The following NDUFS1 variants were observed in gnomAD, a reference collection of about 807,000 sequenced individuals.
The protein encoded by NDUFS1 is NADH:ubiquinone oxidoreductase core subunit S1, also known as NADH-ubiquinone oxidoreductase 75 kDa subunit, mitochondrial.
A neutral mutation model predicts 84.4 loss-of-function variants in NDUFS1; 61 were observed. That is an observed-to-expected ratio of 0.72 (90% CI 0.59 to 0.89). The LOEUF is 0.89. Among genes scored for constraint, NDUFS1 ranks in the 40% least tolerant of loss-of-function variants. The pLI is 0.00. For synonymous variants in NDUFS1, 275 were observed against 290.0 expected (o/e 0.95, Z 0.53); for missense variants, 891 against 890.0 (o/e 1.00, Z -0.01).
intron 8 of NDUFS1, among the ~76,000 whole-genome samples, chr2:206,145,917 T>C (rs918024110): frequency 1.3e-5 from 2 of 152,160 alleles, no homozygotes; most frequent in East Asian, 3.9e-4. Flanking sequence ...AAGTTTGTAG[T>C]GGTAATTGCG....
chr2:206,127,679 T>C, intron 16 of NDUFS1, 118 bp downstream of exon 16: 1 of 1,096,422 alleles, frequency 9.1e-7, no homozygotes, highest in South Asian at 1.4e-5. Flanking sequence ...TAGAAATTAT[T>C]CAAATCATCT....
At chr2:206,147,133 T>C (rs575940613) in intron 7 of NDUFS1, 45 bp from the exon 8 acceptor site, 3 of 1,570,100 alleles carry the variant, frequency 1.9e-6, no homozygotes, top group Non-Finnish European at 2.6e-6. Context: ...TCCAGCAAAA[T>C]TATTTCCTTT....
At chr2:206,140,681 G>T (rs1691904134) in intron 12 of NDUFS1, among the ~76,000 whole-genome samples, 1 of 151,706 alleles carries the variant, frequency 6.6e-6, no homozygotes, top group Admixed American at 6.6e-5. Context: ...GTTTCTCCAT[G>T]TTGGTCAGGC....
chr2:206,135,614 T>G (rs1313959301), intron 13 of NDUFS1, among the ~76,000 whole-genome samples: 2 of 150,998 alleles, frequency 1.3e-5, no homozygotes, highest in Non-Finnish European at 2.9e-5. Context: ...GAGGTTGCAG[T>G]GAGCCGAGAT....
chr2:206,124,740 G>A (rs1691220477), intron 18 of NDUFS1, among the ~76,000 whole-genome samples: 1 of 152,094 alleles, frequency 6.6e-6, no homozygotes. Flanking sequence ...TCGGGAGTCT[G>A]AGGCAGGAGA....
At chr2:206,143,118 G>A (rs2105968717) in intron 10 of NDUFS1, among the ~76,000 whole-genome samples, 1 of 152,278 alleles carries the variant, frequency 6.6e-6, no homozygotes, top group African/African-American at 2.4e-5. Context: ...TGGGCATGGT[G>A]GCATACGCCT....
intron 1 of NDUFS1, among the ~76,000 whole-genome samples, chr2:206,153,886 A>T (rs1692471770): frequency 6.6e-6 from 1 of 152,244 alleles, no homozygotes. Flanking sequence ...AAGCAGCAGC[A>T]GCTATTGTAT....
intron 12 of NDUFS1, among the ~76,000 whole-genome samples, chr2:206,140,846 A>G (rs975040210): frequency 6.6e-6 from 1 of 151,590 alleles, no homozygotes; most frequent in Non-Finnish European, 1.5e-5. Flanking sequence ...ATTTAGGTAT[A>G]AAAGGGCACC....
chr2:206,134,147 C>A (rs1012990405), intron 13 of NDUFS1, among the ~76,000 whole-genome samples: 2 of 152,052 alleles, frequency 1.3e-5, no homozygotes, highest in African/African-American at 4.8e-5. Context: ...AGGAATTTGC[C>A]AAGGAAATGT....
intron 10 of NDUFS1, 86 bp from the exon 11 acceptor site, chr2:206,142,917 G>C (rs752597188): frequency 1.9e-5 from 29 of 1,540,072 alleles, no homozygotes; most frequent in African/African-American, 1.2e-4. Flanking sequence ...AACAGTACTT[G>C]TTTTCAAGTA....
chr2:206,123,996 C>T lies in NDUFS1; in HGVS notation c.*189G>A, dbSNP rs951575064. The T allele has an allele frequency of 5.2e-6, 3 of 580,868 alleles. No homozygotes were observed. The highest frequency in any genetic ancestry group is 2.3e-5 in the South Asian group (1 of 44,286). 36.0% of individuals were successfully genotyped at this position (580,868 alleles called of 1,614,324 possible). ...AGTTTTGTTATTTAACCTTTACACACAATACATGTTTTTCAAACTGCAAAG... is the reference window on the plus strand; with the variant it reads ...AGTTTTGTTATTTAACCTTTACACATAATACATGTTTTTCAAACTGCAAAG... On this transcript the variant is annotated 3_prime_UTR_variant, in exon 19 of 19. Coordinates refer to ENST00000233190, the MANE Select transcript of NDUFS1 (RefSeq NM_005006.7).
chr2:206,152,635 C>A, intron 2 of NDUFS1, 125 bp from the exon 3 acceptor site: 2 of 767,764 alleles, frequency 2.6e-6, no homozygotes, highest in Non-Finnish European at 4.6e-6. Context: ...CTGTATTGCT[C>A]TGGATGCAAA....
chr2:206,147,675 T>A lies in NDUFS1; in HGVS notation c.421-14A>T, dbSNP rs746794096. ...CATGGACTGGTCCTTAAGTAGATTA[T>A]GAAAGAGTCAATCTCATGCTGCTAA... On this transcript the variant is annotated splice_polypyrimidine_tract_variant and intron_variant, in intron 6 of 18. Transcript: ENST00000233190. 1 of 1,614,100 alleles carries A rather than the reference T, an allele frequency of 6.2e-7. No individual in the cohort carries two copies. Among genetic ancestry groups the A allele is most frequent in the South Asian group, 1.1e-5 (1 of 91,064 alleles).
rs1691984915 is a variant in NDUFS1 at position 206,142,086 on chromosome 2, T to TA, written c.1134-18dup. ...AAATCTGTGCTAGAAATACAATATATAAAATGCAAATTTACTTTAAAATTA... is the reference window on the plus strand; with the variant it reads ...AAATCTGTGCTAGAAATACAATATATAAAAATGCAAATTTACTTTAAAATTA... On this transcript the variant is annotated splice_polypyrimidine_tract_variant and intron_variant, in intron 11 of 18. Coordinates refer to ENST00000233190, the MANE Select transcript of NDUFS1 (RefSeq NM_005006.7). 1 of 1,566,600 alleles carries TA rather than the reference T, an allele frequency of 6.4e-7. No individual in the cohort carries two copies. The highest frequency in any genetic ancestry group is 2.2e-5 in the East Asian group (1 of 44,514).
intron 8 of NDUFS1, among the ~76,000 whole-genome samples, chr2:206,145,969 C>T (rs1274061547): frequency 6.6e-6 from 1 of 152,108 alleles, no homozygotes; most frequent in Admixed American, 6.6e-5. Context: ...GCAGGTGAAA[C>T]CAGAGAAAGC....
At chr2:206,129,140 A>T (rs992968600) in intron 15 of NDUFS1, among the ~76,000 whole-genome samples, 3 of 152,198 alleles carry the variant, frequency 2.0e-5, no homozygotes, top group African/African-American at 7.2e-5. Context: ...AGAATAATAT[A>T]TAGTTTAATA....
chr2:206,127,140 GTTA>G (rs1329619723), intron 16 of NDUFS1, among the ~76,000 whole-genome samples: 1 of 152,206 alleles, frequency 6.6e-6, no homozygotes, highest in Non-Finnish European at 1.5e-5. Context: ...TTTACAATGT[GTTA>G]TTATTTTAAA....
rs768179642 is a variant in NDUFS1, at chr2:206,142,663, G to A, written c.1133+23C>T. 15 of 1,613,898 alleles carry A rather than the reference G, an allele frequency of 9.3e-6. No homozygotes were observed. The East Asian group carries it at 1.8e-4, about 19-fold the overall frequency. On this transcript the variant is annotated intron_variant, in intron 11 of 18. Transcript: ENST00000233190. ...AACTAAAAAAAGAAAGGAAAGCCTA[G>A]ATCCTAGCTTCATATTTCTCACCCA... is the stretch of plus-strand genomic sequence containing the variant.
At position 206,149,022 on chromosome 2, in the gene NDUFS1, G is replaced by A. The variant is rs749481592; in HGVS notation, c.336C>T (p.Ala112=). ...ILTNSEKSKK[A]REGVMEFLLA... ...TACATTGAATAACAATAAAGTACCT[G>A]GCTTTTTTGGATTTTTCTGAGTTTG... Residue 112 remains alanine (A), a splice_region_variant and synonymous_variant, in exon 5 of 19, where the codon GCC becomes GCT. Coordinates refer to ENST00000233190, the MANE Select transcript of NDUFS1 (RefSeq NM_005006.7). The A allele has an allele frequency of 4.4e-6, 7 of 1,605,938 alleles. No homozygotes were observed. Among genetic ancestry groups the A allele is most frequent in the South Asian group, 1.1e-5 (1 of 90,908 alleles).
Sources: allele counts gnomAD v4.1 joint callset (sites outside exome capture counted in the v4.1 genomes callset), GRCh38; gene constraint gnomAD v4.1.1; transcripts MANE v1.5; gene names NCBI Gene and HGNC (gene_info 2026-07-23, HGNC 2026-07-21).